EPS15: variants seen among roughly 807,000 people sequenced by gnomAD.
EPS15 encodes epidermal growth factor receptor pathway substrate 15, also known as epidermal growth factor receptor substrate 15.
EPS15 carries 72 observed loss-of-function variants against 113.8 expected under a neutral mutation model. The observed-to-expected ratio is 0.63, with a 90% CI of 0.52 to 0.77. The LOEUF is 0.77. Ranked by LOEUF, EPS15 falls within the 30% of genes least tolerant of loss-of-function variation. The pLI is 0.00. For synonymous variants in EPS15, 344 were observed against 363.4 expected, an observed-to-expected ratio of 0.95 and a Z score of 0.61; for missense variants, 1,048 against 1,045.8, an observed-to-expected ratio of 1.00 and a Z score of -0.03.
chr1:51,444,826 A>C (rs1046455330), intron 11 of EPS15, 63 bp downstream of exon 11: 6 of 1,428,582 alleles, frequency 4.2e-6, no homozygotes, highest in Non-Finnish European at 4.9e-6. Context: ...TTGAATCTGT[A>C]ATTCGACATA....
intron 21 of EPS15, among the ~76,000 whole-genome samples, chr1:51,380,791 A>G (rs1570138036): frequency 6.6e-6 from 1 of 152,222 alleles, no homozygotes; most frequent in African/African-American, 2.4e-5. Flanking sequence ...ATGCTGTATA[A>G]GAGAGATTCA....
chr1:51,380,369 A>G (rs527517285), intron 21 of EPS15, among the ~76,000 whole-genome samples: 2 of 152,360 alleles, frequency 1.3e-5, no homozygotes, highest in Non-Finnish European at 2.9e-5. Flanking sequence ...TAGTATTACT[A>G]TAATACTGGC....
chr1:51,361,871 T>C (rs1362978621), intron 23 of EPS15, among the ~76,000 whole-genome samples: 1 of 152,206 alleles, frequency 6.6e-6, no homozygotes, highest in Non-Finnish European at 1.5e-5. Context: ...AATTTTTAAA[T>C]TACCGTAGTA....
At chr1:51,409,280 G>T (rs1230987167) in intron 14 of EPS15, among the ~76,000 whole-genome samples, 1 of 152,136 alleles carries the variant, frequency 6.6e-6, no homozygotes, top group Non-Finnish European at 1.5e-5. Flanking sequence ...GGGAGGGACA[G>T]AGGAGAGTTG....
chr1:51,401,060 T>C (rs745657218), intron 18 of EPS15, 107 bp from the exon 19 acceptor site: 13 of 654,828 alleles, frequency 2.0e-5, no homozygotes, highest in Non-Finnish European at 3.4e-5. Flanking sequence ...TTTATTTCAA[T>C]AACTTCACTT....
intron 11 of EPS15, among the ~76,000 whole-genome samples, chr1:51,440,657 T>C (rs1388060143): frequency 6.6e-6 from 1 of 151,990 alleles, no homozygotes; most frequent in Non-Finnish European, 1.5e-5. Context: ...AAAACTGTTA[T>C]TCTATACTAT....
intron 1 of EPS15, among the ~76,000 whole-genome samples, chr1:51,485,653 A>C (rs1293451768): frequency 6.6e-6 from 1 of 152,222 alleles, no homozygotes; most frequent in African/African-American, 2.4e-5. Context: ...AATACCAATT[A>C]TTATCAACAA....
chr1:51,445,148 T>G, intron 10 of EPS15, 103 bp from the exon 11 acceptor site: 1 of 1,009,252 alleles, frequency 9.9e-7, no homozygotes, highest in Non-Finnish European at 1.5e-6. Context: ...GAGGTGAATT[T>G]AAAAAGACAG....
intron 2 of EPS15, among the ~76,000 whole-genome samples, chr1:51,480,523 T>C (rs2148521995): frequency 6.6e-6 from 1 of 152,310 alleles, no homozygotes; most frequent in South Asian, 2.1e-4. Context: ...TTGTTGTTTG[T>C]TTGTTTTTGA....
At chr1:51,480,396 G>A (rs1015675875) in intron 2 of EPS15, among the ~76,000 whole-genome samples, 1 of 152,224 alleles carries the variant, frequency 6.6e-6, no homozygotes, top group African/African-American at 2.4e-5. Context: ...TATACTCGTA[G>A]AGGTAGAGGT....
At chr1:51,384,298 C>CTTTTTT (rs67265512) in intron 21 of EPS15, among the ~76,000 whole-genome samples, 27 of 99,510 alleles carry the variant, frequency 2.7e-4, no homozygotes, top group South Asian at 9.1e-4. Flanking sequence ...TTCTTTCTTT[C>CTTTTTT]TTTTTTTTTT....
At chr1:51,445,200 C>T (rs1652929957) in intron 10 of EPS15, among the ~76,000 whole-genome samples, 155 bp from the exon 11 acceptor site, 1 of 152,080 alleles carries the variant, frequency 6.6e-6, no homozygotes, top group African/African-American at 2.4e-5. Context: ...CTCAACTGTT[C>T]GAAGAGGTAG....
intron 21 of EPS15, among the ~76,000 whole-genome samples, chr1:51,369,138 T>C (rs1646582035): frequency 6.6e-6 from 1 of 152,222 alleles, no homozygotes; most frequent in South Asian, 2.1e-4. Flanking sequence ...AAAATTAATT[T>C]TAAAAAGGAC....
chr1:51,396,291 C>G (rs754453198), intron 20 of EPS15, among the ~76,000 whole-genome samples: 4 of 152,100 alleles, frequency 2.6e-5, no homozygotes, highest in East Asian at 1.9e-4. Context: ...AACAAGTCAC[C>G]AAGTACAGGC....
intron 1 of EPS15, among the ~76,000 whole-genome samples, chr1:51,498,154 C>G (rs1055583715): frequency 1.3e-5 from 2 of 152,148 alleles, no homozygotes; most frequent in African/African-American, 4.8e-5. Flanking sequence ...AAAAATTCTG[C>G]CTGACCATTG....
rs185714061 is a variant in EPS15 at position 51,490,167 on chromosome 1, G to A, written c.34-8853C>T. 1.1e-4 allele frequency among the ~76,000 whole-genome samples: 16 copies of A among 152,306 alleles called. No individual in the cohort carries two copies. The East Asian group carries it at 3.1e-3, about 29-fold the overall frequency. On this transcript the variant is annotated intron_variant, in intron 1 of 24. Transcript: ENST00000371733. ...GGTGTCATTTTTAGGGGAGGGTTATGTGGGAGGAGATATTAGAGTACATGA... is the reference window on the plus strand; with the variant it reads ...GGTGTCATTTTTAGGGGAGGGTTATATGGGAGGAGATATTAGAGTACATGA...
intron 20 of EPS15, among the ~76,000 whole-genome samples, chr1:51,396,556 G>GT (rs1429783885): frequency 1.3e-5 from 2 of 152,154 alleles, no homozygotes; most frequent in Non-Finnish European, 2.9e-5. Flanking sequence ...AACAGGCTGT[G>GT]TTTTAAACAA....
rs939707685 is a variant in EPS15 at position 51,472,848 on chromosome 1, A to T, written c.165+11T>A. 1 of 1,597,630 alleles carries T rather than the reference A, an allele frequency of 6.3e-7. No individual in the cohort carries two copies. The highest frequency in any genetic ancestry group is 8.6e-7 in the Non-Finnish European group (1 of 1,165,190). The stretch of plus-strand genomic sequence containing the variant: ...CAAACTTATAATCTAGTTATAATGA[A>T]CGAATACTACCTTTCCAAGTATCAA... On this transcript the variant is annotated intron_variant, in intron 3 of 24. Coordinates refer to ENST00000371733, the MANE Select transcript of EPS15 (RefSeq NM_001981.3).
chr1:51,508,338 G>GAGAGAGAAAGAAAGGAA (rs1553139582), intron 1 of EPS15, among the ~76,000 whole-genome samples: 1 of 122,248 alleles, frequency 8.2e-6, no homozygotes, highest in African/African-American at 3.2e-5. Context: ...AAGAGAAAGA[G>GAGAGAGAAAGAAAGGAA]AGAAAGAAAG....
Sources: allele counts gnomAD v4.1 joint callset (sites outside exome capture counted in the v4.1 genomes callset), GRCh38; gene constraint gnomAD v4.1.1; transcripts MANE v1.5; gene names NCBI Gene and HGNC (gene_info 2026-07-23, HGNC 2026-07-21).